Variants in MAML2 observed in about 807,000 individuals in gnomAD.
The protein encoded by MAML2 is mastermind like transcriptional coactivator 2.
Under a neutral mutation model 96.1 loss-of-function variants are expected in MAML2, and 22 were observed. That is an observed-to-expected ratio of 0.23 (90% CI 0.16 to 0.33). The LOEUF is 0.33. MAML2 is among the 10% of genes least tolerant of loss of function. MAML2 has a pLI of 1.00. For missense variants in MAML2, 1,367 were observed against 1,392.4 expected (o/e 0.98, Z 0.29); for synonymous variants, 561 against 521.3 (o/e 1.08, Z -1.04).
At chr11:96,272,179 C>CTTGTG (rs139146766) in intron 1 of MAML2, among the ~76,000 whole-genome samples, 1 of 152,080 alleles carries the variant, frequency 6.6e-6, no homozygotes, top group East Asian at 1.9e-4. Flanking sequence ...ATGCATTGTA[C>CTTGTG]TTGTGTTGTG....
At chr11:96,121,083 A>G (rs938149000) in intron 1 of MAML2, among the ~76,000 whole-genome samples, 14 of 152,004 alleles carry the variant, frequency 9.2e-5, no homozygotes, top group Non-Finnish European at 1.3e-4. Context: ...AGCCAGAGTC[A>G]GGGGGGAGTG....
At position 96,341,611 on chromosome 11, in the gene MAML2, G is replaced by A. The variant is rs978578739; in HGVS notation, c.285C>T (p.Ala95=). The A allele has an allele frequency of 6.4e-7, 1 of 1,551,794 alleles. No homozygotes were observed. The highest frequency in any genetic ancestry group is 1.4e-5 in the African/African-American group (1 of 73,056). The change falls in exon 1 of 5, where the codon GCC becomes GCT. Residue 95 remains alanine (A), a synonymous_variant. Coordinates refer to ENST00000524717, the MANE Select transcript of MAML2 (RefSeq NM_032427.4). ...CTGTAGTGGTGGCAGCAGTGGCGGT[G>A]GCCTTGGTGTGTTTGCCAGCTTTCC... ...GARKAGKHTK[A]TATAATTTAP...
At chr11:96,167,198 A>T (rs939233868) in intron 1 of MAML2, among the ~76,000 whole-genome samples, 5 of 152,146 alleles carry the variant, frequency 3.3e-5, no homozygotes, top group African/African-American at 1.2e-4. Context: ...AATAAAGTCT[A>T]ATCTGGACAC....
intron 1 of MAML2, among the ~76,000 whole-genome samples, chr11:96,255,458 G>T (rs1226246180): frequency 2.0e-5 from 3 of 152,148 alleles, no homozygotes; most frequent in Non-Finnish European, 2.9e-5. Context: ...ACACTGTTGA[G>T]GAAATCAACA....
chr11:96,019,002 C>G (rs1858397297), intron 2 of MAML2, among the ~76,000 whole-genome samples: 1 of 151,816 alleles, frequency 6.6e-6, no homozygotes. Flanking sequence ...GAGTTTGAGA[C>G]AAAATGAGAA....
chr11:96,320,259 C>A (rs946840439), intron 1 of MAML2, among the ~76,000 whole-genome samples: 15 of 152,230 alleles, frequency 9.9e-5, no homozygotes, highest in Non-Finnish European at 1.9e-4. Context: ...TCCACCACAG[C>A]AAACCTAAGC....
At chr11:96,031,792 T>A (rs984294329) in intron 2 of MAML2, among the ~76,000 whole-genome samples, 3 of 152,066 alleles carry the variant, frequency 2.0e-5, no homozygotes, top group African/African-American at 7.2e-5. Flanking sequence ...GAGACCACCC[T>A]GGCTAACATG....
At chr11:96,177,066 T>C (rs1861398305) in intron 1 of MAML2, among the ~76,000 whole-genome samples, 1 of 152,048 alleles carries the variant, frequency 6.6e-6, no homozygotes, top group African/African-American at 2.4e-5. Context: ...GAGGCCAGAG[T>C]CACATATGTA....
In MAML2 at chr11:96,093,445, C is replaced by A. The variant is rs80063136; in HGVS notation, c.586G>T (p.Val196Leu). Residue 196 changes from valine to leucine, a missense_variant, in exon 2 of 5, where the codon GTG becomes TTG. Val to Leu is a conservative substitution (Grantham distance 32). Transcript: ENST00000524717. ...TTGATATCAAGAAATGAGTTGTCCA[C>A]AAAGCCATTGGGTCGCTTGCTGTTG... Reference protein sequence around the residue: ...PANSKRPNGFVDNSFLDIKRI... With the variant: ...PANSKRPNGFLDNSFLDIKRI... 651 of 1,614,032 alleles carry A rather than the reference C, an allele frequency of 4.0e-4. 3 individuals are homozygous for A. The African/African-American group carries it at 8.1e-3, about 20-fold the overall frequency.
chr11:96,170,996 G>T (rs575227332), intron 1 of MAML2, among the ~76,000 whole-genome samples: 8 of 152,018 alleles, frequency 5.3e-5, no homozygotes, highest in Non-Finnish European at 1.2e-4. Context: ...GATTACAGGC[G>T]TGAGCCAACG....
chr11:96,076,812 G>A (rs1439085587), intron 2 of MAML2, among the ~76,000 whole-genome samples: 1 of 152,174 alleles, frequency 6.6e-6, no homozygotes, highest in East Asian at 1.9e-4. Flanking sequence ...ACTTCTTGCT[G>A]CTGTCTATAA....
chr11:96,073,383 C>G (rs1292560163), intron 2 of MAML2, among the ~76,000 whole-genome samples: 1 of 144,700 alleles, frequency 6.9e-6, no homozygotes, highest in Non-Finnish European at 1.5e-5. Context: ...TGCAGTGGTG[C>G]TATCTCAGCT....
chr11:96,293,757 G>A (rs1191477405), intron 1 of MAML2, among the ~76,000 whole-genome samples: 1 of 152,130 alleles, frequency 6.6e-6, no homozygotes, highest in East Asian at 1.9e-4. Flanking sequence ...AAGTTAAAGT[G>A]AAACAGACTC....
intron 2 of MAML2, among the ~76,000 whole-genome samples, chr11:96,065,984 TC>T (rs551077500): frequency 3.9e-4 from 59 of 152,220 alleles, no homozygotes; most frequent in Admixed American, 3.9e-3. Flanking sequence ...CTGCATCGAA[TC>T]CCCCTTTTCT....
At chr11:96,234,726 C>T (rs1862343713) in intron 1 of MAML2, among the ~76,000 whole-genome samples, 1 of 152,132 alleles carries the variant, frequency 6.6e-6, no homozygotes, top group Admixed American at 6.5e-5. Context: ...TCTTTATGGT[C>T]CAAGAGGAAT....
intron 1 of MAML2, among the ~76,000 whole-genome samples, chr11:96,259,388 T>A (rs557244076): frequency 6.6e-6 from 1 of 152,340 alleles, no homozygotes; most frequent in East Asian, 1.9e-4. Flanking sequence ...GGCAAGTGAT[T>A]CTAATGTGCT....
chr11:96,080,269 G>A (rs1383810271), intron 2 of MAML2, among the ~76,000 whole-genome samples: 1 of 152,164 alleles, frequency 6.6e-6, no homozygotes, highest in African/African-American at 2.4e-5. Flanking sequence ...GAGGTATCAG[G>A]TATGGATGCA....
At chr11:96,093,812 A>C (rs1047426574) in intron 1 of MAML2, among the ~76,000 whole-genome samples, 1 of 152,236 alleles carries the variant, frequency 6.6e-6, no homozygotes, top group East Asian at 1.9e-4. Context: ...TTCAAATATC[A>C]TAAGAAGTTA....
intron 1 of MAML2, among the ~76,000 whole-genome samples, chr11:96,096,511 C>T (rs1859831625): frequency 6.6e-6 from 1 of 152,176 alleles, no homozygotes; most frequent in South Asian, 2.1e-4. Context: ...TTTCAAAGGA[C>T]AGACAGAGTA....
Sources: allele counts gnomAD v4.1 joint callset (sites outside exome capture counted in the v4.1 genomes callset), GRCh38; gene constraint gnomAD v4.1.1; transcripts MANE v1.5; gene names NCBI Gene and HGNC (gene_info 2026-07-23, HGNC 2026-07-21).